Variants in MEF2C observed in about 807,000 individuals in gnomAD.
The protein encoded by MEF2C is myocyte-specific enhancer factor 2C.
MEF2C carries 6 observed loss-of-function variants against 50.5 expected under a neutral mutation model. The observed-to-expected ratio is 0.12, with a 90% CI of 0.07 to 0.23. The LOEUF (loss-of-function observed/expected upper bound fraction) is 0.23. Among genes scored for constraint, MEF2C ranks in the 10% least tolerant of loss-of-function variants. The pLI is 1.00. For missense variants in MEF2C, 276 were observed against 605.0 expected (o/e 0.46, Z 5.70); for synonymous variants, 183 against 228.0 (o/e 0.80, Z 1.78).
intron 4 of MEF2C, among the ~76,000 whole-genome samples, chr5:88,756,680 G>A (rs1775467788): frequency 6.6e-6 from 1 of 152,156 alleles, no homozygotes; most frequent in South Asian, 2.1e-4. Context: ...ACATTTTAGG[G>A]AATGCAAATG....
chr5:88,786,470 A>C lies in MEF2C; in HGVS notation c.258+18128T>G, dbSNP rs557180424. ...TTTAGAATTTAGAGAGGGGAAAAAAAAATCTCATCTGTAAAGTTAAACTAA... is the reference window on the plus strand; with the variant it reads ...TTTAGAATTTAGAGAGGGGAAAAAACAATCTCATCTGTAAAGTTAAACTAA... On this transcript the variant is annotated intron_variant, in intron 3 of 10. Coordinates refer to ENST00000504921, the MANE Select transcript of MEF2C (RefSeq NM_002397.5). Among the ~76,000 whole-genome samples, 33 of 152,276 alleles carry C rather than the reference A, an allele frequency of 2.2e-4. No individual in the cohort carries two copies. The South Asian group carries it at 4.1e-3, about 19-fold the overall frequency.
intron 2 of MEF2C, among the ~76,000 whole-genome samples, chr5:88,811,016 G>T (rs567009863): frequency 6.6e-6 from 1 of 152,082 alleles, no homozygotes; most frequent in Non-Finnish European, 1.5e-5. Flanking sequence ...TTTTGGGAAA[G>T]GATCTAAAGT....
At chr5:88,848,125 C>T (rs1308330784) in intron 1 of MEF2C, among the ~76,000 whole-genome samples, 1 of 152,052 alleles carries the variant, frequency 6.6e-6, no homozygotes, top group Admixed American at 6.5e-5. Flanking sequence ...GATTTTAAAT[C>T]TTTAATTGTC....
intron 1 of MEF2C, among the ~76,000 whole-genome samples, chr5:88,866,744 TTTG>T (rs1198162880): frequency 6.6e-6 from 1 of 152,216 alleles, no homozygotes; most frequent in Non-Finnish European, 1.5e-5. Flanking sequence ...GTTTTAAAGT[TTTG>T]TTGTTTTCCT....
chr5:88,730,142 C>A lies in MEF2C; in HGVS notation c.834+69G>T, dbSNP rs1362143213. The A allele has an allele frequency of 2.7e-6, 4 of 1,501,478 alleles. No homozygotes were observed. In the South Asian group the frequency reaches 5.0e-5, roughly 19 times the overall value. 93.0% of individuals were successfully genotyped at this position (1,501,478 alleles called of 1,614,324 possible). A position where few individuals can be genotyped will look rare whatever the true frequency, so the allele number is the denominator to read the frequency against. On this transcript the variant is annotated intron_variant, in intron 8 of 10. Transcript: ENST00000504921. ...AACTTCCAATATCTTCCAATTTTATCAAAGCTACCACCTCTACCTAAAAGT... is the reference window on the plus strand; with the variant it reads ...AACTTCCAATATCTTCCAATTTTATAAAAGCTACCACCTCTACCTAAAAGT...
intron 1 of MEF2C, among the ~76,000 whole-genome samples, chr5:88,898,337 T>G: frequency 6.6e-6 from 1 of 152,156 alleles, no homozygotes; most frequent in East Asian, 1.9e-4. Flanking sequence ...GGGATAGCCA[T>G]TATCTTTTCT....
intron 1 of MEF2C, chr5:88,843,223 T>TA (rs1171600306): frequency 3.1e-6 from 2 of 644,366 alleles, no homozygotes; most frequent in African/African-American, 4.0e-5. Flanking sequence ...TTTTTTTTTT[T>TA]AATTCTATGG....
At chr5:88,800,312 G>A (rs145426019) in intron 3 of MEF2C, among the ~76,000 whole-genome samples, 1 of 152,278 alleles carries the variant, frequency 6.6e-6, no homozygotes, top group East Asian at 1.9e-4. Flanking sequence ...GAATTGTTTA[G>A]CCTACACCTT....
At chr5:88,816,818 A>C (rs185934545) in intron 2 of MEF2C, among the ~76,000 whole-genome samples, 1 of 151,908 alleles carries the variant, frequency 6.6e-6, no homozygotes, top group Admixed American at 6.6e-5. Flanking sequence ...TTAAGAAATG[A>C]TACTAAGAAA....
intron 1 of MEF2C, among the ~76,000 whole-genome samples, chr5:88,882,684 T>C (rs1165202837): frequency 6.6e-6 from 1 of 152,164 alleles, no homozygotes; most frequent in African/African-American, 2.4e-5. Context: ...ACTAACTTCA[T>C]GAAACTTTAA....
At chr5:88,882,207 T>C (rs1833098733) in intron 1 of MEF2C, among the ~76,000 whole-genome samples, 1 of 152,222 alleles carries the variant, frequency 6.6e-6, no homozygotes, top group South Asian at 2.1e-4. Flanking sequence ...TATCATCGAG[T>C]TTGGTAACTT....
chr5:88,840,860 T>C (rs1372664591), intron 1 of MEF2C, among the ~76,000 whole-genome samples: 2 of 152,244 alleles, frequency 1.3e-5, no homozygotes, highest in East Asian at 1.9e-4. Flanking sequence ...GGATGTCATA[T>C]GGAAGAAAAT....
intron 6 of MEF2C, chr5:88,734,116 G>A (rs916328532): frequency 1.9e-5 from 19 of 983,538 alleles, no homozygotes; most frequent in African/African-American, 3.5e-5. Context: ...TATTTAATAT[G>A]TCATCCTGAA....
At position 88,719,959 on chromosome 5, in the gene MEF2C, A is replaced by C. The variant is rs1271648859; in HGVS notation, c.*2645T>G. The C allele has an allele frequency of 6.6e-6, 1 of 152,210 alleles. No individual in the cohort carries two copies. The highest frequency in any genetic ancestry group is 1.5e-5 in the Non-Finnish European group (1 of 68,032). 9.4% of individuals were successfully genotyped at this position (152,210 alleles called of 1,614,324 possible). The stretch of plus-strand genomic sequence containing the variant: ...AGCTTACTTTATCTTCAGCATTAAA[A>C]ATTCACTTTTTCTTTGTTGCTGAGG... On this transcript the variant is annotated 3_prime_UTR_variant, in exon 11 of 11. Transcript: ENST00000504921.
chr5:88,880,606 T>C (rs1441297258), intron 1 of MEF2C, among the ~76,000 whole-genome samples: 1 of 152,160 alleles, frequency 6.6e-6, no homozygotes, highest in Non-Finnish European at 1.5e-5. Context: ...AAAGTATTTA[T>C]TAGAAAGATA....
At chr5:88,798,483 T>C (rs562782461) in intron 3 of MEF2C, among the ~76,000 whole-genome samples, 3 of 152,148 alleles carry the variant, frequency 2.0e-5, no homozygotes, top group Non-Finnish European at 4.4e-5. Flanking sequence ...TGTTTTTCAG[T>C]TCTATCAGGT....
intron 1 of MEF2C, among the ~76,000 whole-genome samples, chr5:88,902,762 TTTTC>T (rs1835797331): frequency 6.6e-6 from 1 of 151,750 alleles, no homozygotes; most frequent in African/African-American, 2.4e-5. Flanking sequence ...GGTAGGAGTC[TTTTC>T]TTTCTTAAGC....
At chr5:88,869,256 T>TATATATATATATATATATATAC (rs1408244260) in intron 1 of MEF2C, among the ~76,000 whole-genome samples, 3 of 74,160 alleles carry the variant, frequency 4.0e-5, no homozygotes, top group Non-Finnish European at 4.7e-5. Context: ...AGTTTTCATA[T>TATATATATATATATATATATAC]ATATATATAT....
intron 1 of MEF2C, chr5:88,881,185 G>A (rs956790779): frequency 6.6e-6 from 1 of 152,108 alleles, no homozygotes; most frequent in African/African-American, 2.4e-5. Context: ...AGACTGTTTT[G>A]ATGAAAACTT....
Sources: gnomAD v4.1 joint callset for allele counts (sites outside exome capture counted in the v4.1 genomes callset) on GRCh38, gnomAD v4.1.1 for gene constraint, MANE v1.5 for transcripts, NCBI Gene and HGNC (gene_info 2026-07-23, HGNC 2026-07-21) for gene names.